PCDHGA3: variants seen among roughly 807,000 people sequenced by gnomAD.
PCDHGA3 encodes the protein protocadherin gamma subfamily A, 3, also known as protocadherin gamma-A3.
Under a neutral mutation model 58.5 loss-of-function variants are expected in PCDHGA3, and 40 were observed. The ratio of observed to expected loss-of-function variants is 0.68; its 90% confidence interval spans 0.53 to 0.89. The LOEUF (loss-of-function observed/expected upper bound fraction) is 0.89, where lower values mean the gene tolerates loss of function less well. Ranked by LOEUF, PCDHGA3 falls within the 40% of genes least tolerant of loss-of-function variation. The pLI is 0.00. For missense variants in PCDHGA3, 1,223 were observed against 1,195.9 expected (o/e 1.02, Z -0.33); for synonymous variants, 530 against 525.7 (o/e 1.01, Z -0.11).
At chr5:141,383,001 C>T (rs766067848) in intron 1 of PCDHGA3, 1 of 1,613,756 alleles carries the variant, frequency 6.2e-7, no homozygotes, top group South Asian at 1.1e-5. Flanking sequence ...TTCTCTACTC[C>T]GTGTCGGAGG....
At chr5:141,372,294 G>T (rs536487253) in intron 1 of PCDHGA3, 39 of 1,613,162 alleles carry the variant, frequency 2.4e-5, no homozygotes, top group Non-Finnish European at 2.9e-5. Flanking sequence ...TACCTTGGGC[G>T]ACAGGGAGGC....
At chr5:141,410,776 A>G (rs2095422946) in intron 1 of PCDHGA3, 7 of 919,622 alleles carry the variant, frequency 7.6e-6, no homozygotes, top group South Asian at 4.0e-5. Context: ...AGTTTTCACT[A>G]TGTATTTGGT....
intron 1 of PCDHGA3, chr5:141,377,664 C>T (rs1042522537): frequency 6.6e-6 from 1 of 151,600 alleles, no homozygotes; most frequent in South Asian, 2.1e-4. Context: ...AAACGACAGA[C>T]GTTCATACAA....
chr5:141,350,687 G>C (rs367576240), intron 1 of PCDHGA3: 1 of 1,614,012 alleles, frequency 6.2e-7, no homozygotes, highest in Non-Finnish European at 8.5e-7. Flanking sequence ...TTGTGAGTCA[G>C]CCTTACCCGG....
intron 1 of PCDHGA3, among the ~76,000 whole-genome samples, chr5:141,434,571 T>C (rs2154556263): frequency 6.6e-6 from 1 of 152,374 alleles, no homozygotes; most frequent in South Asian, 2.1e-4. Flanking sequence ...GACATGCCCC[T>C]GCTGCAGATA....
rs951185891 is a variant in PCDHGA3, at chr5:141,494,814, C to T, written c.2432C>T (p.Pro811Leu). 7 of 1,614,152 alleles carry T rather than the reference C, an allele frequency of 4.3e-6. No individual in the cohort carries two copies. The highest frequency in any genetic ancestry group is 1.7e-5 in the Admixed American group (1 of 60,024). Residue 811 changes from proline to leucine, a missense_variant, in exon 2 of 4, where the codon CCG becomes CTG. By Grantham distance (98) the Pro-to-Leu change is moderately conservative (BLOSUM62 -3). Transcript: ENST00000253812. The part of the protein sequence containing the change: ...KGDSNLLQQA[P>L]PNTDWRFSQA... ...CCTCTGTTTTCTCCACAGCAAGCCCCGCCCAACACGGACTGGCGTTTCTCT... is the reference window on the plus strand; with the variant it reads ...CCTCTGTTTTCTCCACAGCAAGCCCTGCCCAACACGGACTGGCGTTTCTCT...
intron 1 of PCDHGA3, chr5:141,378,405 C>T (rs1250518150): frequency 2.0e-5 from 3 of 152,298 alleles, no homozygotes; most frequent in Non-Finnish European, 4.4e-5. Context: ...GGCCTGTAAT[C>T]GCAGCTACTC....
At position 141,408,734 on chromosome 5, in the gene PCDHGA3, T is replaced by C. The variant is rs376769558; in HGVS notation, c.2424+62277T>C. 1.5e-4 allele frequency: 244 copies of C among 1,610,058 alleles called. No homozygotes were observed. The highest frequency in any genetic ancestry group is 1.9e-4 in the Non-Finnish European group (226 of 1,177,812). On this transcript the variant is annotated intron_variant, in intron 1 of 3. Transcript: ENST00000253812. ...TTATAAGATAAACTCTAATCCTTAT[T>C]TTTCATTAATGGTTAGAGTTAATTC...
intron 1 of PCDHGA3, chr5:141,424,482 T>C (rs779975685): frequency 1.3e-5 from 2 of 152,216 alleles, no homozygotes; most frequent in Non-Finnish European, 2.9e-5. Context: ...TACTTTGGTG[T>C]CTGTGTTTGT....
In PCDHGA3 at chr5:141,432,487, G is replaced by A; in HGVS notation, c.2425-62320G>A. On this transcript the variant is annotated intron_variant, in intron 1 of 3. Coordinates refer to ENST00000253812, the MANE Select transcript of PCDHGA3 (RefSeq NM_018916.4). This position sits in a 1 kb window ranked among gnomAD's most constrained non-coding sequence, Gnocchi z 6.0. ...CCACGGACGGTTCCACTGGCGTGGA[G>A]CTGGCTCCCCGCTCCGCAGAGCCCG... 1.2e-6 allele frequency: 2 copies of A among 1,614,208 alleles called. No homozygotes were observed. The highest frequency in any genetic ancestry group is 2.2e-5 in the East Asian group (1 of 44,874).
chr5:141,476,225 A>G lies in PCDHGA3; in HGVS notation c.2425-18582A>G, dbSNP rs1414835001. ...GGCTTCCACGGTCATTCACTATGAG[A>G]TCCCGGAGGAAAGAGAGAAGGGTTT... On this transcript the variant is annotated intron_variant, in intron 1 of 3. Transcript: ENST00000253812. This position sits in a 1 kb window ranked among gnomAD's most constrained non-coding sequence, Gnocchi z 7.6. 3 of 1,613,882 alleles carry G rather than the reference A, an allele frequency of 1.9e-6. No homozygotes were observed. The highest frequency in any genetic ancestry group is 2.5e-6 in the Non-Finnish European group (3 of 1,180,012).
chr5:141,413,328 C>G, intron 1 of PCDHGA3: 1 of 1,614,004 alleles, frequency 6.2e-7, no homozygotes, highest in Non-Finnish European at 8.5e-7. Context: ...TCGTGGGCAA[C>G]ATCTCCAAGG....
intron 1 of PCDHGA3, among the ~76,000 whole-genome samples, chr5:141,407,531 T>C (rs757019162): frequency 3.3e-5 from 5 of 151,462 alleles, no homozygotes; most frequent in South Asian, 2.1e-4. Context: ...TAACTTATTG[T>C]GCATTGGTAA....
intron 1 of PCDHGA3, among the ~76,000 whole-genome samples, chr5:141,368,532 G>A (rs768576370): frequency 6.6e-6 from 1 of 152,082 alleles, no homozygotes; most frequent in Non-Finnish European, 1.5e-5. Context: ...GTGAAAACTT[G>A]CTTTTCCATT....
intron 1 of PCDHGA3, among the ~76,000 whole-genome samples, chr5:141,488,635 C>T (rs1476156734): frequency 6.6e-6 from 1 of 152,152 alleles, no homozygotes; most frequent in Non-Finnish European, 1.5e-5. Flanking sequence ...ACCTTAGCAG[C>T]ATTCAGCAGG....
intron 1 of PCDHGA3, chr5:141,361,519 G>A (rs1265098241): frequency 6.2e-7 from 1 of 1,614,024 alleles, no homozygotes; most frequent in East Asian, 2.2e-5. Flanking sequence ...GGTTCACGTG[G>A]CAGAGAACAA....
At chr5:141,433,020 C>G (rs761127608) in intron 1 of PCDHGA3, 5 of 1,614,152 alleles carry the variant, frequency 3.1e-6, no homozygotes, top group East Asian at 2.2e-5. Flanking sequence ...CAGACCTATT[C>G]CCACGAGGTT....
chr5:141,395,077 AG>A lies in PCDHGA3; in HGVS notation c.2424+48622del, dbSNP rs747226962. 4.3e-6 allele frequency: 7 copies of A among 1,614,024 alleles called. No individual in the cohort carries two copies. The African/African-American group carries it at 9.3e-5, about 22-fold the overall frequency. On this transcript the variant is annotated intron_variant, in intron 1 of 3. Transcript: ENST00000253812. ...CAGGCTTTCCTGCAGACCTATTCCC[AG>A]GAAGTCTCCCTCACCGCCGACTCGC...
Position 141,498,971 on chromosome 5 carries a change from GGGAAGGAAGGAAGGAAGGAAGGAA to G in PCDHGA3, c.2483+4140_2483+4163del, listed in dbSNP as rs201769957. 5.1e-3 allele frequency among the ~76,000 whole-genome samples: 569 copies of G among 111,048 alleles called. 6 individuals carry two copies. Among genetic ancestry groups the G allele is most frequent in the South Asian group, 0.024 (65 of 2,658 alleles). 72.9% of individuals were successfully genotyped at this position (111,048 alleles called of 152,430 possible). A position where few individuals can be genotyped will look rare whatever the true frequency, so the allele number is the denominator to read the frequency against. On this transcript the variant is annotated intron_variant, in intron 2 of 3. Coordinates refer to ENST00000253812, the MANE Select transcript of PCDHGA3 (RefSeq NM_018916.4). ...AAAAAGAGAGAGAGGGAGGGAGGGA[GGGAAGGAAGGAAGGAAGGAAGGAA>G]GGAAGGAAGGAAGGAAGGAAGGAAG...
Sources: gnomAD v4.1 joint callset for allele counts (sites outside exome capture counted in the v4.1 genomes callset) on GRCh38, gnomAD v4.1.1 for gene constraint, Gnocchi (gnomAD v3.1) non-coding constraint, MANE v1.5 for transcripts, NCBI Gene and HGNC (gene_info 2026-07-23, HGNC 2026-07-21) for gene names.